The following DLGAP2 variants were observed in gnomAD, a reference collection of about 807,000 sequenced individuals.
The protein encoded by DLGAP2 is DLG associated protein 2.
DLGAP2 carries 26 observed loss-of-function variants against 100.3 expected under a neutral mutation model. That is an observed-to-expected ratio of 0.26 (90% CI 0.19 to 0.36). The LOEUF (loss-of-function observed/expected upper bound fraction) is 0.36, where lower values mean the gene tolerates loss of function less well. DLGAP2 is among the 10% of genes least tolerant of loss of function. The pLI is 1.00. For synonymous variants in DLGAP2, 886 were observed against 630.1 expected, an observed-to-expected ratio of 1.41 and a Z score of -6.08; for missense variants, 1,858 against 1,453.2, an observed-to-expected ratio of 1.28 and a Z score of -4.53.
At chr8:1,635,348 A>G (rs1797741566) in intron 8 of DLGAP2, among the ~76,000 whole-genome samples, 1 of 152,242 alleles carries the variant, frequency 6.6e-6, no homozygotes, top group South Asian at 2.1e-4. Context: ...GCTGAACTTC[A>G]AATTTCATCC....
At chr8:1,327,802 C>A (rs577445021) in intron 3 of DLGAP2, among the ~76,000 whole-genome samples, 1 of 152,162 alleles carries the variant, frequency 6.6e-6, no homozygotes, top group Admixed American at 6.5e-5. Context: ...AGAGATGGCA[C>A]CACTGCACTC....
At chr8:1,573,723 G>C (rs373114819) in intron 6 of DLGAP2, among the ~76,000 whole-genome samples, 1 of 152,098 alleles carries the variant, frequency 6.6e-6, no homozygotes, top group East Asian at 1.9e-4. Context: ...GGCCTTTTTT[G>C]TGAATAAAGT....
At chr8:1,571,748 AG>A (rs1802699696) in intron 6 of DLGAP2, among the ~76,000 whole-genome samples, 1 of 64,150 alleles carries the variant, frequency 1.6e-5, no homozygotes, top group Non-Finnish European at 3.0e-5. Context: ...GAGAGGAGAG[AG>A]GGTGAACTGT....
chr8:1,374,206 A>G (rs1179435493), intron 3 of DLGAP2, among the ~76,000 whole-genome samples: 1 of 151,786 alleles, frequency 6.6e-6, no homozygotes, highest in Non-Finnish European at 1.5e-5. Context: ...GTCGGTTTGC[A>G]GAAGGCTGTG....
chr8:1,601,299 G>A (rs530904859), intron 6 of DLGAP2, among the ~76,000 whole-genome samples: 10 of 152,312 alleles, frequency 6.6e-5, no homozygotes, highest in African/African-American at 2.2e-4. Flanking sequence ...CCTGTGTGAT[G>A]TGTCTGTTGA....
At chr8:1,479,332 C>G (rs1032189360) in intron 3 of DLGAP2, among the ~76,000 whole-genome samples, 1 of 152,254 alleles carries the variant, frequency 6.6e-6, no homozygotes, top group African/African-American at 2.4e-5. Flanking sequence ...AGCCGCCTCT[C>G]AAGCTTTCAT....
intron 2 of DLGAP2, among the ~76,000 whole-genome samples, chr8:1,223,277 C>CT (rs1291783454): frequency 3.3e-5 from 5 of 152,256 alleles, no homozygotes; most frequent in East Asian, 3.9e-4. Context: ...CTTTGAAAGC[C>CT]TTTTTTCCAA....
chr8:935,218 G>A (rs570020604), intron 2 of DLGAP2, among the ~76,000 whole-genome samples: 2 of 152,296 alleles, frequency 1.3e-5, no homozygotes, highest in South Asian at 2.1e-4. Context: ...CTTCCTTCCC[G>A]GTGTGGGTCA....
At chr8:1,197,575 C>G (rs1797778459) in intron 2 of DLGAP2, among the ~76,000 whole-genome samples, 1 of 152,170 alleles carries the variant, frequency 6.6e-6, no homozygotes, top group South Asian at 2.1e-4. Context: ...AGGCCACCAG[C>G]TGTCCACCTA....
chr8:1,175,313 G>A (rs1478993078), intron 2 of DLGAP2, among the ~76,000 whole-genome samples: 3 of 151,952 alleles, frequency 2.0e-5, no homozygotes, highest in Non-Finnish European at 4.4e-5. Flanking sequence ...ATCAATACAT[G>A]TACGTGTGGG....
chr8:1,029,847 G>A (rs1241252119), intron 2 of DLGAP2, among the ~76,000 whole-genome samples: 2 of 152,130 alleles, frequency 1.3e-5, no homozygotes, highest in African/African-American at 4.8e-5. Flanking sequence ...GTTACTGTTC[G>A]AGCTGGGGAA....
At chr8:1,344,184 G>GA (rs1801500126) in intron 3 of DLGAP2, among the ~76,000 whole-genome samples, 1 of 149,894 alleles carries the variant, frequency 6.7e-6, no homozygotes, top group Admixed American at 6.6e-5. Context: ...GCGCTGTCGT[G>GA]GGTCCGTGTA....
At chr8:769,644 G>A (rs550783124) in intron 1 of DLGAP2, among the ~76,000 whole-genome samples, 2 of 152,250 alleles carry the variant, frequency 1.3e-5, no homozygotes, top group African/African-American at 4.8e-5. Flanking sequence ...GGATTTGAGT[G>A]GCTCAGGTGA....
At chr8:926,949 T>G (rs1798829035) in intron 2 of DLGAP2, 4 of 861,378 alleles carry the variant, frequency 4.6e-6, no homozygotes, top group Non-Finnish European at 4.2e-6. Context: ...CTCTGCGCTG[T>G]GGGGGTGGGG....
intron 2 of DLGAP2, among the ~76,000 whole-genome samples, chr8:1,176,594 TGC>T (rs1797263686): frequency 1.1e-5 from 1 of 94,226 alleles, no homozygotes; most frequent in Non-Finnish European, 2.3e-5. Flanking sequence ...CTCAATCCAG[TGC>T]ACGACAGGGG....
chr8:802,191 G>T (rs1233926750), intron 1 of DLGAP2, among the ~76,000 whole-genome samples: 2 of 97,480 alleles, frequency 2.1e-5, no homozygotes, highest in African/African-American at 3.1e-5. Flanking sequence ...CCTGGGGAAT[G>T]GTCTGCACTC....
At chr8:1,206,264 C>T in intron 2 of DLGAP2, among the ~76,000 whole-genome samples, 1 of 151,908 alleles carries the variant, frequency 6.6e-6, no homozygotes. Context: ...TCCTGCAGCT[C>T]CAGCCATCCA....
At chr8:892,334 C>T (rs926798673) in intron 1 of DLGAP2, among the ~76,000 whole-genome samples, 2 of 152,114 alleles carry the variant, frequency 1.3e-5, no homozygotes, top group East Asian at 1.9e-4. Flanking sequence ...GGGTGAAGAG[C>T]GGCCCATCCA....
At chr8:1,210,231 G>T (rs1024608993) in intron 2 of DLGAP2, among the ~76,000 whole-genome samples, 1 of 152,170 alleles carries the variant, frequency 6.6e-6, no homozygotes, top group Non-Finnish European at 1.5e-5. Context: ...GGGCTCAGGT[G>T]ACCTTCCTGG....
Sources: gnomAD v4.1 joint callset for allele counts (sites outside exome capture counted in the v4.1 genomes callset) on GRCh38, gnomAD v4.1.1 for gene constraint, MANE v1.5 for transcripts, NCBI Gene and HGNC (gene_info 2026-07-23, HGNC 2026-07-21) for gene names.